The following ROBO1 variants were observed in gnomAD, a reference collection of about 807,000 sequenced individuals.
The protein encoded by ROBO1 is roundabout homolog 1.
A neutral mutation model predicts 195.9 loss-of-function variants in ROBO1; 149 were observed. The observed-to-expected ratio is 0.76, with a 90% CI of 0.67 to 0.87. ROBO1 has a LOEUF of 0.87. Among genes scored for constraint, ROBO1 ranks in the 40% least tolerant of loss-of-function variants. The probability of loss-of-function intolerance (pLI) is 0.00; values close to 1 mark genes in which losing one functional copy is unlikely to be tolerated. For missense variants in ROBO1, 1,933 were observed against 2,068.3 expected, an observed-to-expected ratio of 0.93 and a Z score of 1.27; for synonymous variants, 816 against 733.2, an observed-to-expected ratio of 1.11 and a Z score of -1.82.
intron 4 of ROBO1, among the ~76,000 whole-genome samples, chr3:78,898,406 G>A: frequency 9.6e-5 from 1 of 10,436 alleles, no homozygotes; most frequent in Non-Finnish European, 2.1e-4. Flanking sequence ...TTTTTTTTTT[G>A]AGACGGAGTC....
At chr3:78,943,575 T>C (rs2040256817) in intron 3 of ROBO1, among the ~76,000 whole-genome samples, 1 of 152,174 alleles carries the variant, frequency 6.6e-6, no homozygotes, top group Non-Finnish European at 1.5e-5. Flanking sequence ...CAAGGAAGAG[T>C]TGCAGTTCTC....
intron 3 of ROBO1, among the ~76,000 whole-genome samples, chr3:79,075,482 A>G (rs1177897978): frequency 6.6e-6 from 1 of 151,880 alleles, no homozygotes; most frequent in Non-Finnish European, 1.5e-5. Flanking sequence ...ACATACAATC[A>G]CTCAAGTGTA....
At chr3:78,905,920 A>C (rs923492109) in intron 4 of ROBO1, among the ~76,000 whole-genome samples, 1 of 152,162 alleles carries the variant, frequency 6.6e-6, no homozygotes, top group African/African-American at 2.4e-5. Context: ...CTTTAAAGCC[A>C]GTGTTTAAAC....
intron 4 of ROBO1, among the ~76,000 whole-genome samples, chr3:78,926,989 A>C (rs1376078876): frequency 2.6e-5 from 4 of 151,098 alleles, no homozygotes; most frequent in Non-Finnish European, 5.9e-5. Flanking sequence ...GAATATTTCA[A>C]AAAAAAAAGG....
intron 2 of ROBO1, among the ~76,000 whole-genome samples, chr3:79,254,000 C>T (rs973276407): frequency 6.6e-6 from 1 of 152,074 alleles, no homozygotes; most frequent in Non-Finnish European, 1.5e-5. Flanking sequence ...AGCACTTATC[C>T]ACCCGGCAAG....
At chr3:78,958,236 C>A (rs552588718) in intron 3 of ROBO1, among the ~76,000 whole-genome samples, 31 of 152,292 alleles carry the variant, frequency 2.0e-4, no homozygotes, top group Non-Finnish European at 3.8e-4. Context: ...CAGTCATAAT[C>A]TCTGGGTACG....
chr3:79,261,902 G>C (rs1348823174), intron 2 of ROBO1, among the ~76,000 whole-genome samples: 3 of 152,004 alleles, frequency 2.0e-5, no homozygotes, highest in African/African-American at 7.2e-5. Flanking sequence ...CGTTGTAATT[G>C]ATCTATAGAA....
intron 2 of ROBO1, among the ~76,000 whole-genome samples, chr3:79,300,773 C>T (rs1287134216): frequency 6.6e-6 from 1 of 152,098 alleles, no homozygotes; most frequent in African/African-American, 2.4e-5. Flanking sequence ...GGTTTGTAAA[C>T]ACACCAATCA....
At position 79,019,436 on chromosome 3, in the gene ROBO1, C is replaced by A. The variant is rs895814868; in HGVS notation, c.173-80509G>T. ...GCGGCGTCTGAAGTTTCTGCTCTCA[C>A]GCTGCCTCCTCTCCAGCTCAATTGC... On this transcript the variant is annotated intron_variant, in intron 3 of 30. Coordinates refer to ENST00000464233, the MANE Select transcript of ROBO1 (RefSeq NM_002941.4). 40 of 986,180 alleles carry A rather than the reference C, an allele frequency of 4.1e-5. No homozygotes were observed. In the African/African-American group the frequency reaches 5.9e-4, roughly 15 times the overall value. The allele number at this position is 986,180 out of a possible 1,614,324, so 61.1% of individuals were successfully genotyped here.
chr3:78,737,382 T>G (rs2082416400), intron 5 of ROBO1, among the ~76,000 whole-genome samples: 1 of 152,166 alleles, frequency 6.6e-6, no homozygotes. Flanking sequence ...CTAAATATAT[T>G]CAGAGTTCAA....
chr3:79,739,976 T>A (rs1437671737), intron 1 of ROBO1, among the ~76,000 whole-genome samples: 3 of 152,102 alleles, frequency 2.0e-5, no homozygotes, highest in Non-Finnish European at 4.4e-5. Context: ...CATCAACAAC[T>A]CTAAGACATG....
chr3:79,025,813 C>T (rs1279852267), intron 3 of ROBO1, among the ~76,000 whole-genome samples: 3 of 152,050 alleles, frequency 2.0e-5, no homozygotes, highest in Non-Finnish European at 4.4e-5. Context: ...AGAAGCAAAC[C>T]TCAAGATTAA....
intron 2 of ROBO1, among the ~76,000 whole-genome samples, chr3:79,187,871 A>G (rs190885757): frequency 7.2e-5 from 11 of 152,146 alleles, no homozygotes; most frequent in Admixed American, 6.6e-4. Flanking sequence ...AGCTGGTAAA[A>G]AAGAAAACTG....
Position 79,215,987 on chromosome 3 carries a change from A to G in ROBO1, c.89-90448T>C, listed in dbSNP as rs932473677. Among the ~76,000 whole-genome samples the G allele has an allele frequency of 2.1e-5, 3 of 143,350 alleles. No homozygotes were observed. In the South Asian group the frequency reaches 6.5e-4, roughly 31 times the overall value. The allele number at this position is 143,350 out of a possible 152,430, so 94.0% of individuals were successfully genotyped here. A position where few individuals can be genotyped will look rare whatever the true frequency, so the allele number is the denominator to read the frequency against. On this transcript the variant is annotated intron_variant, in intron 2 of 30. Transcript: ENST00000464233. ...CACTAATCTATCACTAGAAATTCAGAAAAAAAAATTTAATATAAAGATTAA... is the reference window on the plus strand; with the variant it reads ...CACTAATCTATCACTAGAAATTCAGGAAAAAAAATTTAATATAAAGATTAA...
intron 2 of ROBO1, among the ~76,000 whole-genome samples, chr3:79,380,966 C>T (rs2036547233): frequency 6.6e-6 from 1 of 152,186 alleles, no homozygotes; most frequent in South Asian, 2.1e-4. Context: ...TTTCAGCACA[C>T]CCTCCATTTG....
chr3:78,933,192 T>C (rs767410002), intron 4 of ROBO1, among the ~76,000 whole-genome samples: 3 of 152,150 alleles, frequency 2.0e-5, no homozygotes, highest in Non-Finnish European at 4.4e-5. Flanking sequence ...CATACTGAAA[T>C]GGTCAGCAAA....
intron 4 of ROBO1, among the ~76,000 whole-genome samples, chr3:78,849,763 T>C (rs1459617831): frequency 5.3e-5 from 8 of 151,718 alleles, no homozygotes; most frequent in South Asian, 2.1e-4. Flanking sequence ...TTTTCAAATA[T>C]CTTTCAGACA....
intron 2 of ROBO1, among the ~76,000 whole-genome samples, chr3:79,150,518 T>G (rs950692656): frequency 9.2e-5 from 14 of 151,808 alleles, no homozygotes; most frequent in Non-Finnish European, 1.8e-4. Context: ...TATTCTGATA[T>G]TTAATATTCA....
chr3:79,572,116 C>A (rs144822726), intron 2 of ROBO1, among the ~76,000 whole-genome samples: 49 of 152,068 alleles, frequency 3.2e-4, no homozygotes, highest in African/African-American at 1.2e-3. Flanking sequence ...AACTAACCTG[C>A]ACATTGTGCA....
Sources: gnomAD v4.1 joint callset for allele counts (sites outside exome capture counted in the v4.1 genomes callset) on GRCh38, gnomAD v4.1.1 for gene constraint, MANE v1.5 for transcripts, NCBI Gene and HGNC (gene_info 2026-07-23, HGNC 2026-07-21) for gene names.